Variants in PRKCH observed in about 807,000 individuals in gnomAD.
PRKCH encodes the protein protein kinase C eta type.
In PRKCH, 28 loss-of-function variants were observed where a neutral mutation model predicts 82.5. The ratio of observed to expected loss-of-function variants is 0.34; its 90% CI spans 0.25 to 0.47. The LOEUF is 0.47. Ranked by LOEUF, PRKCH falls within the 20% of genes least tolerant of loss-of-function variation. The pLI is 1.00. For missense variants in PRKCH, 705 were observed against 881.8 expected (o/e 0.80, Z 2.54); for synonymous variants, 322 against 327.4 (o/e 0.98, Z 0.18).
intron 10 of PRKCH, among the ~76,000 whole-genome samples, chr14:61,494,310 A>G (rs1240401367): frequency 6.6e-6 from 1 of 152,256 alleles, no homozygotes. Flanking sequence ...CCAGGGTTAT[A>G]GAAACAATTG....
At chr14:61,369,068 C>T (rs1566842070) in intron 1 of PRKCH, among the ~76,000 whole-genome samples, 1 of 152,022 alleles carries the variant, frequency 6.6e-6, no homozygotes, top group Non-Finnish European at 1.5e-5. Flanking sequence ...CCCTGAAGAA[C>T]GTTATTAGAA....
rs567342061 is a variant in PRKCH at position 61,395,751 on chromosome 14, C to T, written c.427+4463C>T. On this transcript the variant is annotated intron_variant, in intron 2 of 13. Transcript: ENST00000332981. ...ATTTCCCCTACCCCTGCCCTGGGAC[C>T]ATCTTGTATACTCAGCAGGTTCGTT... Among the ~76,000 whole-genome samples the T allele has an allele frequency of 1.1e-4, 17 of 152,224 alleles. No homozygotes were observed. In the South Asian group the frequency reaches 3.3e-3, roughly 30 times the overall value.
At chr14:61,315,706 T>C (rs1046164193) in intron 1 of PRKCH, among the ~76,000 whole-genome samples, 3 of 152,210 alleles carry the variant, frequency 2.0e-5, no homozygotes, top group African/African-American at 7.2e-5. Context: ...TTGTACTTCT[T>C]AGCATATTTA....
chr14:61,293,511 C>T (rs1594895379), intron 1 of PRKCH, among the ~76,000 whole-genome samples: 2 of 152,194 alleles, frequency 1.3e-5, no homozygotes, highest in South Asian at 2.1e-4. Context: ...AAAATGACAG[C>T]GTTTCTTCTG....
intron 1 of PRKCH, among the ~76,000 whole-genome samples, chr14:61,351,599 C>T (rs1021405416): frequency 1.3e-5 from 2 of 152,092 alleles, no homozygotes; most frequent in Non-Finnish European, 2.9e-5. Flanking sequence ...AAGTGGTGTT[C>T]GGAGGCACAG....
Position 61,519,314 on chromosome 14 carries a change from AATG to A in PRKCH, c.1434-9759_1434-9757del, listed in dbSNP as rs1361310753. Among the ~76,000 whole-genome samples, 709 of 149,092 alleles carry A rather than the reference AATG, an allele frequency of 4.8e-3. 3 individuals are homozygous for A. The highest frequency in any genetic ancestry group is 0.011 in the South Asian group (52 of 4,806). On this transcript the variant is annotated intron_variant, in intron 10 of 13. Coordinates refer to ENST00000332981, the MANE Select transcript of PRKCH (RefSeq NM_006255.5). ...GAATGAATGAATGAATGAATGAATG[AATG>A]AATAAATAAAATTTTTGTAGAGACA...
chr14:61,345,279 C>G (rs2045977655), intron 1 of PRKCH, among the ~76,000 whole-genome samples: 1 of 152,148 alleles, frequency 6.6e-6, no homozygotes, highest in African/African-American at 2.4e-5. Flanking sequence ...TCAGCCTCTT[C>G]ATGGTTATAA....
chr14:61,476,050 A>G (rs1885714384), intron 9 of PRKCH, among the ~76,000 whole-genome samples: 1 of 152,258 alleles, frequency 6.6e-6, no homozygotes, highest in South Asian at 2.1e-4. Flanking sequence ...ATATAGCATC[A>G]GCAGACCTGA....
intron 1 of PRKCH, among the ~76,000 whole-genome samples, chr14:61,217,656 C>A (rs370763816): frequency 2.0e-5 from 3 of 152,152 alleles, no homozygotes; most frequent in Non-Finnish European, 4.4e-5. Context: ...AATGGGAATG[C>A]CACCAGAACC....
intron 1 of PRKCH, among the ~76,000 whole-genome samples, chr14:61,237,392 G>C (rs2044799298): frequency 6.6e-6 from 1 of 152,032 alleles, no homozygotes; most frequent in African/African-American, 2.4e-5. Flanking sequence ...GCTGTCTCTT[G>C]TGAAAAAAAT....
intron 1 of PRKCH, among the ~76,000 whole-genome samples, chr14:61,332,239 G>A (rs903084333): frequency 6.6e-6 from 1 of 152,228 alleles, no homozygotes; most frequent in Non-Finnish European, 1.5e-5. Context: ...AGGGAGGAAT[G>A]AGCCCAAGGG....
At chr14:61,521,554 TTTTTA>T (rs1337426746) in intron 10 of PRKCH, among the ~76,000 whole-genome samples, 4 of 151,526 alleles carry the variant, frequency 2.6e-5, no homozygotes, top group East Asian at 3.9e-4. Flanking sequence ...TTTTCTAATC[TTTTTA>T]TTTTATTTTA....
chr14:61,508,377 G>A (rs535131402), intron 10 of PRKCH, among the ~76,000 whole-genome samples: 13 of 152,104 alleles, frequency 8.5e-5, no homozygotes, highest in Non-Finnish European at 1.8e-4. Flanking sequence ...AGAGATTAGA[G>A]TTGTGTTCCC....
At chr14:61,311,787 AT>A (rs2045526813) in intron 1 of PRKCH, among the ~76,000 whole-genome samples, 1 of 152,224 alleles carries the variant, frequency 6.6e-6, no homozygotes, top group Non-Finnish European at 1.5e-5. Flanking sequence ...TGTAAATGTA[AT>A]TGTGTTTACC....
intron 2 of PRKCH, among the ~76,000 whole-genome samples, chr14:61,428,903 G>C (rs779088192): frequency 9.2e-5 from 14 of 152,200 alleles, no homozygotes; most frequent in African/African-American, 2.9e-4. Context: ...TTTTTTGGAG[G>C]AGAGGTGGAG....
chr14:61,265,548 A>G (rs1247664214), intron 1 of PRKCH, among the ~76,000 whole-genome samples: 2 of 152,184 alleles, frequency 1.3e-5, no homozygotes, highest in Non-Finnish European at 2.9e-5. Flanking sequence ...TTTCCAGGTC[A>G]CATACTTAGG....
At chr14:61,531,899 C>T (rs2184634) in intron 12 of PRKCH, among the ~76,000 whole-genome samples, 128,471 of 152,164 alleles carry the variant, frequency 0.84, 54,460 homozygotes, top group East Asian at 0.93. Flanking sequence ...AGAGAAGGGC[C>T]TGTCTTCGTG....
chr14:61,386,964 G>T (rs1410279541), intron 1 of PRKCH, among the ~76,000 whole-genome samples: 1 of 152,160 alleles, frequency 6.6e-6, no homozygotes, highest in Admixed American at 6.5e-5. Context: ...ATCAAGCAAG[G>T]CTTGATCTAA....
intron 2 of PRKCH, among the ~76,000 whole-genome samples, chr14:61,430,689 C>T (rs1319095716): frequency 6.6e-6 from 1 of 151,880 alleles, no homozygotes; most frequent in African/African-American, 2.4e-5. Flanking sequence ...ACTAGTTGGT[C>T]ACAGCTTGCA....
Sources: allele counts gnomAD v4.1 joint callset (sites outside exome capture counted in the v4.1 genomes callset), GRCh38; gene constraint gnomAD v4.1.1; transcripts MANE v1.5; gene names NCBI Gene and HGNC (gene_info 2026-07-23, HGNC 2026-07-21).